Variants in COL4A2 observed in about 807,000 individuals in gnomAD.
COL4A2 encodes the protein collagen type IV alpha 2 chain, also known as collagen alpha-2(IV) chain.
A neutral mutation model predicts 200.2 loss-of-function variants in COL4A2; 99 were observed. The observed-to-expected ratio is 0.49, with a 90% CI of 0.42 to 0.58. The LOEUF (loss-of-function observed/expected upper bound fraction) is 0.58. Ranked by LOEUF, COL4A2 falls within the 20% of genes least tolerant of loss-of-function variation. COL4A2 has a pLI of 0.00. For synonymous variants in COL4A2, 897 were observed against 900.6 expected, an observed-to-expected ratio of 1.00 and a Z score of 0.07; for missense variants, 1,950 against 2,314.1, an observed-to-expected ratio of 0.84 and a Z score of 3.23.
At chr13:110,432,304 C>T in intron 10 of COL4A2, 21 bp from the exon 11 acceptor site, 1 of 1,599,118 alleles carries the variant, frequency 6.3e-7, no homozygotes, top group East Asian at 2.3e-5. Flanking sequence ...ACCATTTACA[C>T]ATTTCTTTGT....
At chr13:110,368,734 G>T (rs9588148) in intron 4 of COL4A2, among the ~76,000 whole-genome samples, 34,431 of 151,482 alleles carry the variant, frequency 0.23, 4,084 homozygotes, top group East Asian at 0.42. Flanking sequence ...TTGTCAAGAA[G>T]CATCCTGAGA....
At chr13:110,445,798 CAA>C in intron 16 of COL4A2, 29 bp from the exon 17 acceptor site, 5 of 1,613,906 alleles carry the variant, frequency 3.1e-6, no homozygotes, top group Non-Finnish European at 4.2e-6. Context: ...ACATCAGAGA[CAA>C]AAATTAAAAG....
At chr13:110,375,664 G>A (rs949042042) in intron 4 of COL4A2, among the ~76,000 whole-genome samples, 4 of 152,014 alleles carry the variant, frequency 2.6e-5, no homozygotes, top group East Asian at 3.9e-4. Flanking sequence ...ACCTCTTCTC[G>A]ACTGAAAATA....
At chr13:110,402,640 T>A (rs1879414212) in intron 4 of COL4A2, among the ~76,000 whole-genome samples, 1 of 152,206 alleles carries the variant, frequency 6.6e-6, no homozygotes, top group South Asian at 2.1e-4. Context: ...ATGAACAGAA[T>A]ATTATTCATG....
Position 110,449,680 on chromosome 13 carries a change from T to G in COL4A2, c.1080T>G (p.Gly360=). The G allele has an allele frequency of 6.5e-7, 1 of 1,547,332 alleles. No homozygotes were observed. Among genetic ancestry groups the G allele is most frequent in the Non-Finnish European group, 8.7e-7 (1 of 1,144,578 alleles). ...AYSPHPSLAK[G]ARGDPGFPGA... ...CTGTGGGACTTGTTTCCCTTCCAGG[T>G]GCCAGAGGTGACCCGGGATTCCCAG... Residue 360 remains glycine, a splice_region_variant and synonymous_variant, in exon 19 of 48, where the codon GGT becomes GGG. Transcript: ENST00000360467.
chr13:110,443,030 G>A (rs7991974), intron 16 of COL4A2, among the ~76,000 whole-genome samples: 42,158 of 152,112 alleles, frequency 0.28, 6,119 homozygotes, highest in Middle Eastern at 0.46. Context: ...CTGCAGTGTC[G>A]ATGACTTGGA....
intron 3 of COL4A2, among the ~76,000 whole-genome samples, chr13:110,319,488 T>C (rs542421115): frequency 9.9e-5 from 15 of 152,280 alleles, no homozygotes; most frequent in African/African-American, 3.1e-4. Context: ...GAGAGTTTCC[T>C]TCTTGAGAGA....
At position 110,503,922 on chromosome 13, in the gene COL4A2, G is replaced by T; in HGVS notation, c.4214G>T (p.Gly1405Val). ...QKIAVQPGTVGPQGRRGPPGA... is the reference protein window; with the variant it reads ...QKIAVQPGTVVPQGRRGPPGA... ...ATTGCCGTCCAACCAGGGACAGTGG[G>T]TCCCCAGGGGAGGCGAGGCCCCCCT... Residue 1405 changes from glycine to valine, a missense_variant, in exon 44 of 48, where the codon GGT (glycine) becomes GTT (valine). This residue lies in a region of COL4A2 where 1,385 missense variants were observed against 1,720.5 expected (regional missense o/e 0.80). Coordinates refer to ENST00000360467, the MANE Select transcript of COL4A2 (RefSeq NM_001846.4). The T allele has an allele frequency of 6.2e-7, 1 of 1,604,066 alleles. No homozygotes were observed. Among genetic ancestry groups the T allele is most frequent in the Non-Finnish European group, 8.5e-7 (1 of 1,174,886 alleles).
At chr13:110,506,175 A>ACTCT (rs369405869) in intron 45 of COL4A2, among the ~76,000 whole-genome samples, 1 of 138,928 alleles carries the variant, frequency 7.2e-6, no homozygotes, top group African/African-American at 2.7e-5. Context: ...TAGGCCGTCC[A>ACTCT]CTCTCTCTCT....
At chr13:110,355,628 C>G (rs9521706) in intron 3 of COL4A2, among the ~76,000 whole-genome samples, 5 of 44,138 alleles carry the variant, frequency 1.1e-4, no homozygotes, top group African/African-American at 4.9e-4. Flanking sequence ...GAGGGCTGCA[C>G]TAGCTCACCT....
At chr13:110,352,452 C>T (rs143551759) in intron 3 of COL4A2, among the ~76,000 whole-genome samples, 62 of 152,348 alleles carry the variant, frequency 4.1e-4, no homozygotes, top group African/African-American at 1.4e-3. Flanking sequence ...ACTTGGTCAC[C>T]TGCCACAGGG....
chr13:110,423,000 T>G (rs2139451755), intron 4 of COL4A2, among the ~76,000 whole-genome samples: 1 of 150,974 alleles, frequency 6.6e-6, no homozygotes, highest in East Asian at 2.0e-4. Context: ...GGAAGTTACC[T>G]AGAGGCAACA....
rs371548028 is a variant in COL4A2 at position 110,469,277 on chromosome 13, G to C, written c.2156G>C (p.Arg719Thr). 6.2e-7 allele frequency: 1 copy of C among 1,603,404 alleles called. No homozygotes were observed. Among genetic ancestry groups the C allele is most frequent in the Non-Finnish European group, 8.5e-7 (1 of 1,175,126 alleles). The change falls in exon 28 of 48, where the codon AGG becomes ACG. Residue 719 changes from arginine to threonine, a missense_variant. Arg to Thr is a moderately conservative substitution (Grantham distance 71). Around this residue, in one of 2 missense-constraint regions of COL4A2, gnomAD observed 1,385 missense variants for 1,720.5 expected, o/e 0.80. Coordinates refer to ENST00000360467, the MANE Select transcript of COL4A2 (RefSeq NM_001846.4). ...GGAGCTGATGGAGGACCAGGGCCCA[G>C]GGGCTTGCCAGGAGACGCAGGTCGT... The part of the protein sequence containing the change: ...FAGADGGPGP[R>T]GLPGDAGREG...
rs1882377680 is a variant in COL4A2, at chr13:110,469,372, C to T, written c.2203+48C>T. 7.2e-6 allele frequency: 11 copies of T among 1,526,028 alleles called. No individual in the cohort carries two copies. In the East Asian group the frequency reaches 2.7e-4, roughly 37 times the overall value. The allele number at this position is 1,526,028 out of a possible 1,614,324, so 94.5% of individuals were successfully genotyped here. ...TTCAGCCCCTGGGTTCCAGCGGGAA[C>T]CTGTGTGTGATTCATAAGCATCCAG... On this transcript the variant is annotated intron_variant, in intron 28 of 47. Coordinates refer to ENST00000360467, the MANE Select transcript of COL4A2 (RefSeq NM_001846.4).
rs957131677 is a variant in COL4A2 at position 110,482,445 on chromosome 13, A to G, written c.2759-71A>G. On this transcript the variant is annotated intron_variant, in intron 31 of 47. Transcript: ENST00000360467. Reference sequence around the variant, plus strand: ...GAGTTACATTGCCGAAATGTTACGGAGACGTGAGACTGAAATGTCCCATGC... The same window carrying G: ...GAGTTACATTGCCGAAATGTTACGGGGACGTGAGACTGAAATGTCCCATGC... 8.7e-6 allele frequency: 13 copies of G among 1,502,132 alleles called. No homozygotes were observed. The Admixed American group carries it at 2.3e-4, about 27-fold the overall frequency. 93.1% of individuals were successfully genotyped at this position (1,502,132 alleles called of 1,614,324 possible).
At chr13:110,314,987 C>T (rs1305259742) in intron 3 of COL4A2, among the ~76,000 whole-genome samples, 1 of 152,190 alleles carries the variant, frequency 6.6e-6, no homozygotes, top group Non-Finnish European at 1.5e-5. Flanking sequence ...AGTTAGGGGC[C>T]AAGGGAAAGG....
At chr13:110,479,061 C>T (rs1462360593) in intron 30 of COL4A2, among the ~76,000 whole-genome samples, 4 of 152,198 alleles carry the variant, frequency 2.6e-5, no homozygotes, top group Non-Finnish European at 5.9e-5. Context: ...GTAGGGCCCG[C>T]TCCCCTATTG....
At chr13:110,500,641 A>G (rs1023857745) in intron 40 of COL4A2, among the ~76,000 whole-genome samples, 12 of 152,236 alleles carry the variant, frequency 7.9e-5, no homozygotes, top group Non-Finnish European at 1.5e-4. Context: ...CACCAAGAAC[A>G]CTGACTTAGT....
At chr13:110,390,444 C>T (rs1025959618) in intron 4 of COL4A2, among the ~76,000 whole-genome samples, 6 of 152,208 alleles carry the variant, frequency 3.9e-5, no homozygotes, top group East Asian at 1.9e-4. Context: ...TCTAGCCCAG[C>T]GCTGGGAGTC....
Sources: allele counts gnomAD v4.1 joint callset (sites outside exome capture counted in the v4.1 genomes callset), GRCh38; gene constraint gnomAD v4.1.1; regional missense constraint gnomAD v4.1.1; transcripts MANE v1.5; gene names NCBI Gene and HGNC (gene_info 2026-07-23, HGNC 2026-07-21).